The following DLGAP2 variants were observed in gnomAD, a reference collection of about 807,000 sequenced individuals.
The protein encoded by DLGAP2 is DLG associated protein 2.
A neutral mutation model predicts 100.3 loss-of-function variants in DLGAP2; 26 were observed. The ratio of observed to expected loss-of-function variants is 0.26; its 90% CI spans 0.19 to 0.36. DLGAP2 has a LOEUF of 0.36. Ranked by LOEUF, DLGAP2 falls within the 10% of genes least tolerant of loss-of-function variation. The pLI, the probability that DLGAP2 is intolerant of heterozygous loss-of-function variation, is 1.00. For missense variants in DLGAP2, 1,858 were observed against 1,453.2 expected (o/e 1.28, Z -4.53); for synonymous variants, 886 against 630.1 (o/e 1.41, Z -6.08).
chr8:1,244,520 G>T (rs1291265884), intron 2 of DLGAP2, among the ~76,000 whole-genome samples: 1 of 152,290 alleles, frequency 6.6e-6, no homozygotes, highest in East Asian at 1.9e-4. Flanking sequence ...TCACCAAAGG[G>T]TCAATATTTG....
intron 3 of DLGAP2, chr8:1,379,490 C>T (rs929153446): frequency 1.3e-5 from 2 of 152,326 alleles, no homozygotes; most frequent in African/African-American, 4.8e-5. Flanking sequence ...CCTCCTCCCG[C>T]TTCCTTCACT....
chr8:1,167,535 T>C (rs953446636), intron 2 of DLGAP2, among the ~76,000 whole-genome samples: 2 of 152,210 alleles, frequency 1.3e-5, no homozygotes, highest in Non-Finnish European at 2.9e-5. Flanking sequence ...GGGATCTTAG[T>C]CATGAACTGC....
intron 2 of DLGAP2, among the ~76,000 whole-genome samples, chr8:1,097,387 C>A (rs188252769): frequency 8.5e-6 from 1 of 117,728 alleles, no homozygotes; most frequent in Non-Finnish European, 1.7e-5. Flanking sequence ...GCTGGGAGCC[C>A]GGGGCAGGCC....
intron 3 of DLGAP2, among the ~76,000 whole-genome samples, chr8:1,311,487 A>G (rs1222221076): frequency 2.0e-5 from 3 of 152,232 alleles, no homozygotes; most frequent in African/African-American, 7.2e-5. Context: ...AGAGAAAATC[A>G]CAAACCATAT....
chr8:876,860 T>C (rs1797694937), intron 1 of DLGAP2, among the ~76,000 whole-genome samples: 1 of 152,224 alleles, frequency 6.6e-6, no homozygotes, highest in Admixed American at 6.5e-5. Context: ...AGAACATCTA[T>C]GGATCTGTTT....
In DLGAP2 at chr8:1,272,533, A is replaced by G. The variant is rs1585212222; in HGVS notation, c.106+13650A>G. ...ATATATTCACATCTGTGTTCCATATAAATATATCTATATATCATACAAATT... is the reference window on the plus strand; with the variant it reads ...ATATATTCACATCTGTGTTCCATATGAATATATCTATATATCATACAAATT... On this transcript the variant is annotated intron_variant, in intron 3 of 14. Transcript: ENST00000637795. Among the ~76,000 whole-genome samples, 4 of 152,172 alleles carry G rather than the reference A, an allele frequency of 2.6e-5. No individual in the cohort carries two copies. In the South Asian group the frequency reaches 8.3e-4, roughly 31 times the overall value.
At chr8:1,199,059 C>G (rs1797813903) in intron 2 of DLGAP2, among the ~76,000 whole-genome samples, 2 of 152,198 alleles carry the variant, frequency 1.3e-5, no homozygotes, top group African/African-American at 4.8e-5. Flanking sequence ...TCCAGACTTC[C>G]AGACTGCTCA....
At chr8:1,287,496 G>GTGTGT (rs1234083033) in intron 3 of DLGAP2, among the ~76,000 whole-genome samples, 1 of 70,048 alleles carries the variant, frequency 1.4e-5, no homozygotes, top group East Asian at 6.2e-4. Flanking sequence ...GTGTGTGTGT[G>GTGTGT]GTTCTGTTAG....
intron 10 of DLGAP2, among the ~76,000 whole-genome samples, chr8:1,670,602 G>T (rs1454006197): frequency 6.6e-6 from 1 of 152,254 alleles, no homozygotes; most frequent in Non-Finnish European, 1.5e-5. Flanking sequence ...CGAGTGGACG[G>T]ATGGGTCGCT....
intron 2 of DLGAP2, among the ~76,000 whole-genome samples, chr8:1,105,375 T>C (rs1804722877): frequency 6.6e-6 from 1 of 152,154 alleles, no homozygotes; most frequent in African/African-American, 2.4e-5. Flanking sequence ...AAGGAGGAGA[T>C]AGTGCTGGGA....
intron 2 of DLGAP2, among the ~76,000 whole-genome samples, chr8:1,079,029 G>A (rs1376599664): frequency 6.6e-6 from 1 of 152,198 alleles, no homozygotes; most frequent in Non-Finnish European, 1.5e-5. Flanking sequence ...CAGCAGGGAG[G>A]AGAGTTCCTG....
chr8:1,000,046 C>G (rs910389023), intron 2 of DLGAP2, among the ~76,000 whole-genome samples: 4 of 139,666 alleles, frequency 2.9e-5, no homozygotes, highest in African/African-American at 7.9e-5. Context: ...TTCTTTTGCA[C>G]TGGATTTTCT....
intron 1 of DLGAP2, among the ~76,000 whole-genome samples, chr8:895,444 G>A (rs1316237255): frequency 6.6e-6 from 1 of 152,156 alleles, no homozygotes; most frequent in Non-Finnish European, 1.5e-5. Flanking sequence ...GGGGGCTGTC[G>A]GTCTCTGGAC....
chr8:1,197,135 C>A (rs1563246872), intron 2 of DLGAP2, among the ~76,000 whole-genome samples: 1 of 152,236 alleles, frequency 6.6e-6, no homozygotes. Flanking sequence ...TGCACACCCG[C>A]ATTGCAGAGT....
chr8:1,204,812 A>G (rs999304198), intron 2 of DLGAP2, among the ~76,000 whole-genome samples: 5 of 152,168 alleles, frequency 3.3e-5, no homozygotes, highest in African/African-American at 9.7e-5. Context: ...GAGTGCAAAG[A>G]GAGAGAAGCT....
chr8:964,761 C>T (rs1041571125), intron 2 of DLGAP2, among the ~76,000 whole-genome samples: 3 of 152,192 alleles, frequency 2.0e-5, no homozygotes, highest in Non-Finnish European at 2.9e-5. Context: ...CACCTACCCT[C>T]CCCCGAGGGC....
Position 1,122,592 on chromosome 8 carries a change from CT to C in DLGAP2, c.74-136258del, listed in dbSNP as rs1341237889. Among the ~76,000 whole-genome samples the C allele has an allele frequency of 2.6e-5, 4 of 152,150 alleles. No homozygotes were observed. In the East Asian group the frequency reaches 7.7e-4, roughly 29 times the overall value. ...CTTTGGTGATTTATGTACATTTTTC[CT>C]GCTTACTATGTGTAGGTCTCTCAAA... On this transcript the variant is annotated intron_variant, in intron 2 of 14. Transcript: ENST00000637795.
chr8:1,120,250 AG>A (rs1796003790), intron 2 of DLGAP2, among the ~76,000 whole-genome samples: 1 of 152,104 alleles, frequency 6.6e-6, no homozygotes. Context: ...CCAGACACGG[AG>A]GGGTCAAGCA....
At chr8:754,244 G>T (rs1242946921) in intron 1 of DLGAP2, 1 of 152,190 alleles carries the variant, frequency 6.6e-6, no homozygotes, top group Non-Finnish European at 1.5e-5. Flanking sequence ...TGTCACTGCC[G>T]TATCCCGTCG....
Sources: gnomAD v4.1 joint callset for allele counts (sites outside exome capture counted in the v4.1 genomes callset) on GRCh38, gnomAD v4.1.1 for gene constraint, MANE v1.5 for transcripts, NCBI Gene and HGNC (gene_info 2026-07-23, HGNC 2026-07-21) for gene names.